RET: variants seen among roughly 807,000 people sequenced by gnomAD.
RET encodes proto-oncogene tyrosine-protein kinase receptor Ret.
In RET, 19 loss-of-function variants were observed where a neutral mutation model predicts 118.3. The observed-to-expected ratio is 0.16, with a 90% confidence interval of 0.11 to 0.24. The LOEUF is 0.24. Ranked by LOEUF, RET falls within the 10% of genes least tolerant of loss-of-function variation. RET has a pLI of 1.00. For missense variants in RET, 1,219 were observed against 1,502.1 expected (o/e 0.81, Z 3.12); for synonymous variants, 597 against 644.1 (o/e 0.93, Z 1.11).
chr10:43,129,757 C>T lies in RET; in HGVS notation c.*1488C>T, dbSNP rs1838408427. The T allele has an allele frequency of 1.0e-5, 4 of 389,872 alleles. No homozygotes were observed. The highest frequency in any genetic ancestry group is 8.9e-5 in the Admixed American group (2 of 22,386). The allele number at this position is 389,872 out of a possible 1,614,324, so 24.2% of individuals were successfully genotyped here. On this transcript the variant is annotated 3_prime_UTR_variant, in exon 20 of 20. Coordinates refer to ENST00000355710, the MANE Select transcript of RET (RefSeq NM_020975.6). ...ATTTTGTGAGGCCAAGGCTTGGATGCGTGTGTAATAGAGCCTTGTGGTGTG... is the reference window on the plus strand; with the variant it reads ...ATTTTGTGAGGCCAAGGCTTGGATGTGTGTGTAATAGAGCCTTGTGGTGTG...
At chr10:43,109,862 A>G (rs763470231) in intron 6 of RET, among the ~76,000 whole-genome samples, 2 of 152,256 alleles carry the variant, frequency 1.3e-5, no homozygotes, top group Non-Finnish European at 2.9e-5. Context: ...AGTGTTGCAC[A>G]TCGTGGTGTT....
At chr10:43,125,545 C>T (rs956131975) in intron 18 of RET, among the ~76,000 whole-genome samples, 4 of 152,180 alleles carry the variant, frequency 2.6e-5, no homozygotes, top group African/African-American at 9.7e-5. Flanking sequence ...CAGAGCCGAA[C>T]GCAGGCCAAA....
intron 19 of RET, among the ~76,000 whole-genome samples, chr10:43,127,865 G>A (rs1342776299): frequency 6.6e-6 from 1 of 152,166 alleles, no homozygotes; most frequent in African/African-American, 2.4e-5. Flanking sequence ...TCAGATTAGA[G>A]AGTCTCAAGT....
In RET at chr10:43,100,689, G is replaced by A. The variant is rs201244749; in HGVS notation, c.304G>A (p.Asp102Asn). The part of the protein sequence containing the change: ...TGLLYLNRSL[D>N]HSSWEKLSVR... Reference sequence around the variant, plus strand: ...CCTCCTCTACCTTAACCGGAGCCTGGACCATAGCTCCTGGGAGAAGCTCAG... The same window carrying A: ...CCTCCTCTACCTTAACCGGAGCCTGAACCATAGCTCCTGGGAGAAGCTCAG... The change falls in exon 2 of 20, where the codon GAC becomes AAC. Residue 102 changes from aspartate (D) to asparagine (N), a missense_variant. Asp to Asn is a conservative substitution (Grantham distance 23). Around this residue, in one of 5 missense-constraint regions of RET, gnomAD observed 84 missense variants for 163.6 expected, o/e 0.51. Coordinates refer to ENST00000355710, the MANE Select transcript of RET (RefSeq NM_020975.6). 2.9e-5 allele frequency: 47 copies of A among 1,608,114 alleles called. No homozygotes were observed. The highest frequency in any genetic ancestry group is 1.7e-4 in the African/African-American group (13 of 74,964).
At chr10:43,120,631 C>G (rs1167231664) in intron 15 of RET, among the ~76,000 whole-genome samples, 1 of 152,248 alleles carries the variant, frequency 6.6e-6, no homozygotes, top group Non-Finnish European at 1.5e-5. Flanking sequence ...TGAGGCTTCT[C>G]CCGCACAGGG....
At chr10:43,108,582 C>A (rs1371771080) in intron 5 of RET, among the ~76,000 whole-genome samples, 2 of 152,092 alleles carry the variant, frequency 1.3e-5, no homozygotes, top group Non-Finnish European at 1.5e-5. Flanking sequence ...TGTCCCTTGG[C>A]CAAGAGGGGA....
At position 43,112,917 on chromosome 10, in the gene RET, T is replaced by C. The variant is rs1588872813; in HGVS notation, c.1713T>C (p.Asp571=). 1.9e-6 allele frequency: 3 copies of C among 1,614,026 alleles called. No individual in the cohort carries two copies. The highest frequency in any genetic ancestry group is 2.7e-5 in the African/African-American group (2 of 74,920). ...STKTCPDGHC[D]VVETQDINIC... ...AGACCTGCCCCGACGGCCACTGCGA[T>C]GTTGTGGAGACCCAAGACATCAACA... The change falls in exon 9 of 20, where the codon GAT becomes GAC. Residue 571 remains aspartate (D), a synonymous_variant. Coordinates refer to ENST00000355710, the MANE Select transcript of RET (RefSeq NM_020975.6).
chr10:43,101,526 T>G (rs921245088), intron 2 of RET, among the ~76,000 whole-genome samples: 1 of 152,230 alleles, frequency 6.6e-6, no homozygotes, highest in African/African-American at 2.4e-5. Flanking sequence ...GGAGGCAGCA[T>G]CTGAGGTTGG....
intron 5 of RET, among the ~76,000 whole-genome samples, chr10:43,107,804 C>T (rs887182376): frequency 1.3e-5 from 2 of 152,112 alleles, no homozygotes; most frequent in Non-Finnish European, 2.9e-5. Flanking sequence ...AATCAACACA[C>T]AGAAGGTATA....
At chr10:43,083,786 T>A (rs1372473019) in intron 1 of RET, among the ~76,000 whole-genome samples, 2 of 152,246 alleles carry the variant, frequency 1.3e-5, no homozygotes, top group Non-Finnish European at 2.9e-5. Flanking sequence ...TACTCTTTTT[T>A]AATTGTGAAA....
At position 43,114,009 on chromosome 10, in the gene RET, C is replaced by A. The variant is rs1244504612; in HGVS notation, c.1879+334C>A. ...AGGTCAGCAGGTATGGTGGGTTGCACAGCCACACTGACTACACTCAGGGGT... is the reference window on the plus strand; with the variant it reads ...AGGTCAGCAGGTATGGTGGGTTGCAAAGCCACACTGACTACACTCAGGGGT... On this transcript the variant is annotated intron_variant, in intron 10 of 19. Coordinates refer to ENST00000355710, the MANE Select transcript of RET (RefSeq NM_020975.6). This position sits in a 1 kb window ranked among gnomAD's most constrained non-coding sequence, Gnocchi z 4.6. 6.6e-6 allele frequency among the ~76,000 whole-genome samples: 1 copy of A among 152,216 alleles called. No individual in the cohort carries two copies. The highest frequency in any genetic ancestry group is 1.9e-4 in the East Asian group (1 of 5,188).
At chr10:43,091,102 A>C (rs1473331976) in intron 1 of RET, among the ~76,000 whole-genome samples, 2 of 151,940 alleles carry the variant, frequency 1.3e-5, no homozygotes, top group Non-Finnish European at 2.9e-5. Flanking sequence ...CATCTTTAAA[A>C]CTGGGATCCC....
chr10:43,088,229 C>T (rs913126557), intron 1 of RET, among the ~76,000 whole-genome samples: 7 of 139,456 alleles, frequency 5.0e-5, no homozygotes, highest in Non-Finnish European at 1.1e-4. Flanking sequence ...GTGGTGGAGG[C>T]AATGGTGGTG....
chr10:43,078,018 T>C lies in RET; in HGVS notation c.73+687T>C, dbSNP rs546925947. Among the ~76,000 whole-genome samples, 12 of 152,278 alleles carry C rather than the reference T, an allele frequency of 7.9e-5. No individual in the cohort carries two copies. In the South Asian group the frequency reaches 2.5e-3, roughly 32 times the overall value. ...GGCAGAGATGCTGAAGATGCGGCCA[T>C]AGGAGGCCCAGGGCTTGGGGTGGGG... is the stretch of plus-strand genomic sequence containing the variant. On this transcript the variant is annotated intron_variant, in intron 1 of 19. Transcript: ENST00000355710.
intron 1 of RET, among the ~76,000 whole-genome samples, chr10:43,084,682 G>T (rs967390367): frequency 5.9e-5 from 9 of 152,134 alleles, no homozygotes; most frequent in Non-Finnish European, 8.8e-5. Context: ...GTGTGGATTC[G>T]TCTGATTCCT....
chr10:43,120,079 A>G lies in RET; in HGVS notation c.2608-2A>G, dbSNP rs2132958142. The G allele has an allele frequency of 6.2e-7, 1 of 1,613,696 alleles. No individual in the cohort carries two copies. The highest frequency in any genetic ancestry group is 8.5e-7 in the Non-Finnish European group (1 of 1,179,948). On this transcript the variant is annotated splice_acceptor_variant, in intron 14 of 19. Coordinates refer to ENST00000355710, the MANE Select transcript of RET (RefSeq NM_020975.6). LOFTEE classifies it high-confidence loss of function. ...GACGACTCGTGCTATTTTTCCTCACAGCTCGTTCATCGGGACTTGGCAGCC... is the reference window on the plus strand; with the variant it reads ...GACGACTCGTGCTATTTTTCCTCACGGCTCGTTCATCGGGACTTGGCAGCC...
intron 1 of RET, among the ~76,000 whole-genome samples, chr10:43,088,814 G>T (rs1463742658): frequency 1.3e-5 from 2 of 152,170 alleles, no homozygotes; most frequent in African/African-American, 2.4e-5. Flanking sequence ...TTCTTCCTAA[G>T]TTCATGCCCT....
rs2132858500 is a variant in RET at position 43,114,860 on chromosome 10, T to C, written c.2136+124T>C. On this transcript the variant is annotated intron_variant, in intron 11 of 19. Transcript: ENST00000355710. The surrounding 1 kb of genome is among the most constrained non-coding windows in gnomAD (Gnocchi z 4.6). The stretch of plus-strand genomic sequence containing the variant: ...CTGCCAACGCTGGGCAGACGAGGCC[T>C]GTGTTCTGCCCCCATTTCCATAGGG... 9.4e-7 allele frequency: 1 copy of C among 1,063,570 alleles called. No individual in the cohort carries two copies. Among genetic ancestry groups the C allele is most frequent in the South Asian group, 1.6e-5 (1 of 62,774 alleles). The allele number at this position is 1,063,570 out of a possible 1,614,324, so 65.9% of individuals were successfully genotyped here.
chr10:43,079,605 G>A (rs1251490358), intron 1 of RET, among the ~76,000 whole-genome samples: 1 of 152,216 alleles, frequency 6.6e-6, no homozygotes, highest in Non-Finnish European at 1.5e-5. Context: ...CAGCTCCTCA[G>A]CAAGCCTCTT....
Sources: gnomAD v4.1 joint callset for allele counts (sites outside exome capture counted in the v4.1 genomes callset) on GRCh38, gnomAD v4.1.1 for gene constraint, gnomAD v4.1.1 regional missense constraint, Gnocchi (gnomAD v3.1) non-coding constraint, MANE v1.5 for transcripts, NCBI Gene and HGNC (gene_info 2026-07-23, HGNC 2026-07-21) for gene names.